UNC5D: variants seen among roughly 807,000 people sequenced by gnomAD.
UNC5D encodes unc-5 netrin receptor D, also known as netrin receptor UNC5D.
UNC5D carries 39 observed loss-of-function variants against 105.4 expected under a neutral mutation model. The ratio of observed to expected loss-of-function variants is 0.37; its 90% CI spans 0.29 to 0.48. The LOEUF is 0.48. UNC5D is among the 20% of genes least tolerant of loss of function. UNC5D has a pLI of 0.98. For missense variants in UNC5D, 991 were observed against 1,202.4 expected (o/e 0.82, Z 2.60); for synonymous variants, 452 against 450.4 (o/e 1.00, Z -0.04).
chr8:35,529,115 T>A (rs1171775320), intron 1 of UNC5D, among the ~76,000 whole-genome samples: 2 of 143,236 alleles, frequency 1.4e-5, no homozygotes, highest in Admixed American at 7.1e-5. Context: ...GGACATGAAG[T>A]CCTTGCCCAT....
At chr8:35,440,400 T>C (rs974068012) in intron 1 of UNC5D, among the ~76,000 whole-genome samples, 2 of 151,996 alleles carry the variant, frequency 1.3e-5, no homozygotes, top group African/African-American at 4.8e-5. Flanking sequence ...TCATGAAGGC[T>C]GTTTTATGAG....
At chr8:35,718,833 G>C (rs187525221) in intron 8 of UNC5D, among the ~76,000 whole-genome samples, 3 of 152,170 alleles carry the variant, frequency 2.0e-5, no homozygotes, top group South Asian at 2.1e-4. Flanking sequence ...TAGGGGTCGG[G>C]GGGTATATGT....
chr8:35,429,349 TTTC>T (rs1481497205), intron 1 of UNC5D, among the ~76,000 whole-genome samples: 1 of 152,110 alleles, frequency 6.6e-6, no homozygotes, highest in Non-Finnish European at 1.5e-5. Flanking sequence ...CCTGTTTTTT[TTTC>T]TTTTTCCTGT....
At chr8:35,244,447 A>G (rs888878829) in intron 1 of UNC5D, among the ~76,000 whole-genome samples, 107 of 152,294 alleles carry the variant, frequency 7.0e-4, no homozygotes, top group African/African-American at 2.5e-3. Flanking sequence ...TTCACTGCCT[A>G]TTGTGCCTTC....
At chr8:35,634,334 G>A (rs993198641) in intron 4 of UNC5D, among the ~76,000 whole-genome samples, 2 of 152,190 alleles carry the variant, frequency 1.3e-5, no homozygotes, top group African/African-American at 4.8e-5. Flanking sequence ...TTTTACTTCT[G>A]TGTTAAACTG....
intron 16 of UNC5D, among the ~76,000 whole-genome samples, chr8:35,783,857 C>G (rs889944844): frequency 1.3e-5 from 2 of 151,886 alleles, no homozygotes; most frequent in African/African-American, 4.8e-5. Context: ...AATTCTCTAC[C>G]CCACCTTTAT....
chr8:35,453,930 A>AC (rs367734651), intron 1 of UNC5D, among the ~76,000 whole-genome samples: 1 of 151,764 alleles, frequency 6.6e-6, no homozygotes, highest in Non-Finnish European at 1.5e-5. Context: ...CCTCTCCCCT[A>AC]CCCCCTGCTA....
chr8:35,603,596 C>G, intron 4 of UNC5D, among the ~76,000 whole-genome samples: 1 of 151,890 alleles, frequency 6.6e-6, no homozygotes, highest in African/African-American at 2.4e-5. Flanking sequence ...CCTGGGTATC[C>G]TTGTTGACTT....
chr8:35,364,288 A>G (rs1406891458), intron 1 of UNC5D, among the ~76,000 whole-genome samples: 1 of 152,106 alleles, frequency 6.6e-6, no homozygotes, highest in Non-Finnish European at 1.5e-5. Flanking sequence ...GCATGAGCTC[A>G]TGGATTATTA....
At chr8:35,708,579 A>G (rs1827746540) in intron 8 of UNC5D, among the ~76,000 whole-genome samples, 1 of 152,306 alleles carries the variant, frequency 6.6e-6, no homozygotes, top group South Asian at 2.1e-4. Context: ...AAACTGAAAA[A>G]TGGTTGCCTT....
At chr8:35,468,353 C>T (rs1482277660) in intron 1 of UNC5D, among the ~76,000 whole-genome samples, 1 of 152,146 alleles carries the variant, frequency 6.6e-6, no homozygotes, top group Non-Finnish European at 1.5e-5. Context: ...AAATCAAAAT[C>T]ATCCTTCACT....
intron 3 of UNC5D, among the ~76,000 whole-genome samples, chr8:35,583,656 A>G (rs1818595478): frequency 6.6e-6 from 1 of 152,194 alleles, no homozygotes; most frequent in Admixed American, 6.5e-5. Flanking sequence ...AACATGATGT[A>G]AAGATACAAA....
chr8:35,649,201 T>C (rs530131613), intron 4 of UNC5D, among the ~76,000 whole-genome samples: 1 of 152,298 alleles, frequency 6.6e-6, no homozygotes, highest in East Asian at 1.9e-4. Context: ...GAGGAACTAT[T>C]ATATGGACTA....
At chr8:35,385,632 AT>A (rs1457577926) in intron 1 of UNC5D, among the ~76,000 whole-genome samples, 1 of 151,804 alleles carries the variant, frequency 6.6e-6, no homozygotes. Flanking sequence ...CGCCTGGAGA[AT>A]TTTTTGTATT....
chr8:35,440,804 C>T (rs1328218666), intron 1 of UNC5D, among the ~76,000 whole-genome samples: 1 of 151,902 alleles, frequency 6.6e-6, no homozygotes, highest in Non-Finnish European at 1.5e-5. Flanking sequence ...AGTGTATGTT[C>T]ATTGATTGAT....
Position 35,600,669 on chromosome 8 carries a change from C to G in UNC5D, c.570+5012C>G, listed in dbSNP as rs371457695. 2.6e-4 allele frequency among the ~76,000 whole-genome samples: 40 copies of G among 151,958 alleles called. 1 individual carries two copies. The highest frequency in any genetic ancestry group is 5.9e-4 in the Admixed American group (9 of 15,244). ...TTGTTTGTTTTTTTCTTGTAAATTT[C>G]TTTGAGTTCATTGTAGATTCTGGAT... On this transcript the variant is annotated intron_variant, in intron 4 of 16. Coordinates refer to ENST00000404895, the MANE Select transcript of UNC5D (RefSeq NM_080872.4).
rs1241657476 is a variant in UNC5D at position 35,793,275 on chromosome 8, A to G, written c.*2712A>G. On this transcript the variant is annotated 3_prime_UTR_variant, in exon 17 of 17. Transcript: ENST00000404895. ...TTTACAGACCAAGGTGTGGTGGAGG[A>G]GGTAGAATTGCAGATCAGATAAAAA... The G allele has an allele frequency of 7.6e-6, 3 of 394,838 alleles. No individual in the cohort carries two copies. The highest frequency in any genetic ancestry group is 5.5e-5 in the South Asian group (3 of 54,694). 24.5% of individuals were successfully genotyped at this position (394,838 alleles called of 1,614,324 possible).
intron 13 of UNC5D, among the ~76,000 whole-genome samples, chr8:35,759,056 G>T (rs1454957242): frequency 6.6e-6 from 1 of 152,052 alleles, no homozygotes; most frequent in Non-Finnish European, 1.5e-5. Context: ...TTTAAACAAA[G>T]GCACAGTGTG....
At chr8:35,553,367 A>G (rs533711874) in intron 2 of UNC5D, among the ~76,000 whole-genome samples, 66 of 151,236 alleles carry the variant, frequency 4.4e-4, no homozygotes, top group Non-Finnish European at 1.5e-5. Context: ...AAAAAAAAAA[A>G]GAAAGCCAAT....
Sources: allele counts gnomAD v4.1 joint callset (sites outside exome capture counted in the v4.1 genomes callset), GRCh38; gene constraint gnomAD v4.1.1; transcripts MANE v1.5; gene names NCBI Gene and HGNC (gene_info 2026-07-23, HGNC 2026-07-21).